The following AFTPH variants were observed in gnomAD, a reference collection of about 807,000 sequenced individuals.
AFTPH encodes aftiphilin.
AFTPH carries 7 observed loss-of-function variants against 72.5 expected under a neutral mutation model. The observed-to-expected ratio is 0.10, with a 90% CI of 0.05 to 0.18. The LOEUF (loss-of-function observed/expected upper bound fraction) is 0.18. Ranked by LOEUF, AFTPH falls within the 10% of genes least tolerant of loss-of-function variation. The pLI is 1.00. For missense variants in AFTPH, 979 were observed against 1,060.5 expected (o/e 0.92, Z 1.07); for synonymous variants, 337 against 370.1 (o/e 0.91, Z 1.03).
chr2:64,542,249 C>G (rs925184601), intron 1 of AFTPH, among the ~76,000 whole-genome samples: 1 of 152,150 alleles, frequency 6.6e-6, no homozygotes. Context: ...ACTCCACCCC[C>G]CTCAAATGTG....
chr2:64,581,176 C>T lies in AFTPH; in HGVS notation c.2455+1630C>T, dbSNP rs1329607624. ...CTGTGTGGCTGCCTACCAACACGGT[C>T]ACTGAATTTCAAGCTAGTGGAGGTT... On this transcript the variant is annotated intron_variant, in intron 7 of 8. Coordinates refer to ENST00000238856, the Ensembl canonical transcript of AFTPH. 2 of 1,579,744 alleles carry T rather than the reference C, an allele frequency of 1.3e-6. No individual in the cohort carries two copies. The highest frequency in any genetic ancestry group is 1.2e-5 in the South Asian group (1 of 85,906).
chr2:64,568,117 CTTTTTAT>C (rs1471258471), intron 3 of AFTPH, among the ~76,000 whole-genome samples: 1 of 151,370 alleles, frequency 6.6e-6, no homozygotes, highest in Non-Finnish European at 1.5e-5. Context: ...TGAGCTATTT[CTTTTTAT>C]ATTTCTAAAT....
chr2:64,549,645 A>T (rs1386532785), intron 1 of AFTPH, among the ~76,000 whole-genome samples: 1 of 151,620 alleles, frequency 6.6e-6, no homozygotes, highest in Non-Finnish European at 1.5e-5. Context: ...GGAACTTTTG[A>T]CTCCTCAGCA....
At chr2:64,558,520 C>G (rs1384601639) in intron 2 of AFTPH, among the ~76,000 whole-genome samples, 1 of 152,162 alleles carries the variant, frequency 6.6e-6, no homozygotes, top group African/African-American at 2.4e-5. Context: ...AACATAATTA[C>G]TTACCCAGTT....
exon 2 of AFTPH, chr2:64,552,438 C>G: frequency 6.2e-7 from 1 of 1,614,078 alleles, no homozygotes; most frequent in South Asian, 1.1e-5. Context: ...AACACTGCAA[C>G]AGGATGAATT....
At chr2:64,553,862 C>G (rs967289195) in intron 2 of AFTPH, among the ~76,000 whole-genome samples, 26 of 151,218 alleles carry the variant, frequency 1.7e-4, no homozygotes, top group Admixed American at 4.0e-4. Flanking sequence ...CCATCAAAGA[C>G]CTAGGAAATT....
Position 64,581,086 on chromosome 2 carries a change from C to T in AFTPH, c.2455+1540C>T, listed in dbSNP as rs2104194167. 1.1e-5 allele frequency: 7 copies of T among 658,804 alleles called. No individual in the cohort carries two copies. The South Asian group carries it at 1.2e-4, about 11-fold the overall frequency. The allele number at this position is 658,804 out of a possible 1,614,324, so 40.8% of individuals were successfully genotyped here. Reference sequence around the variant, plus strand: ...AATGTGTAATGATTACTAATTATAACCTGCATGTTCAAGTGTGTGTCTTAC... The same window carrying T: ...AATGTGTAATGATTACTAATTATAATCTGCATGTTCAAGTGTGTGTCTTAC... On this transcript the variant is annotated intron_variant, in intron 7 of 8. Coordinates refer to ENST00000238856, the Ensembl canonical transcript of AFTPH.
chr2:64,532,065 CT>C (rs1182182791), intron 1 of AFTPH, among the ~76,000 whole-genome samples: 5 of 152,110 alleles, frequency 3.3e-5, no homozygotes, highest in African/African-American at 1.2e-4. Context: ...TACTATGGTT[CT>C]TATGCTCTGA....
At chr2:64,591,841 C>G in intron 8 of AFTPH, 47 bp from the exon 10 acceptor site, 1 of 1,601,762 alleles carries the variant, frequency 6.2e-7, no homozygotes. Flanking sequence ...ATTTTACCTA[C>G]AGCAAAGTCA....
intron 1 of AFTPH, among the ~76,000 whole-genome samples, chr2:64,548,047 C>T (rs1307860297): frequency 6.0e-5 from 9 of 151,116 alleles, no homozygotes; most frequent in African/African-American, 2.2e-4. Context: ...CTCCTCAGCC[C>T]CCCAAAGTGC....
At chr2:64,566,110 C>G (rs1182699181) in intron 2 of AFTPH, among the ~76,000 whole-genome samples, 1 of 152,170 alleles carries the variant, frequency 6.6e-6, no homozygotes, top group Non-Finnish European at 1.5e-5. Flanking sequence ...AATCATGTAT[C>G]CAATTAGGTG....
chr2:64,531,592 A>G (rs971001264), intron 1 of AFTPH, among the ~76,000 whole-genome samples: 9 of 152,218 alleles, frequency 5.9e-5, no homozygotes, highest in East Asian at 1.9e-4. Flanking sequence ...ATACAGTACT[A>G]TCTTCTAGAA....
At chr2:64,536,951 C>CAAAA (rs70937353) in intron 1 of AFTPH, among the ~76,000 whole-genome samples, 14 of 81,740 alleles carry the variant, frequency 1.7e-4, no homozygotes, top group South Asian at 7.6e-4. Flanking sequence ...GACTCTGTCT[C>CAAAA]AAAAAAAAAA....
intron 1 of AFTPH, among the ~76,000 whole-genome samples, chr2:64,549,211 TC>T (rs1053990375): frequency 5.3e-5 from 8 of 152,122 alleles, no homozygotes; most frequent in Admixed American, 1.3e-4. Context: ...GTAAACATTT[TC>T]CTCATGTATC....
At chr2:64,565,336 G>T (rs576241808) in intron 2 of AFTPH, among the ~76,000 whole-genome samples, 319 of 151,800 alleles carry the variant, frequency 2.1e-3, no homozygotes, top group Non-Finnish European at 3.3e-3. Context: ...TTAGCTGGGC[G>T]CGGTGGTGGG....
At position 64,561,581 on chromosome 2, in the gene AFTPH, T is replaced by C. The variant is rs538148845; in HGVS notation, c.1936-5981T>C. Among the ~76,000 whole-genome samples, 58 of 152,208 alleles carry C rather than the reference T, an allele frequency of 3.8e-4. 1 individual carries two copies. In the South Asian group the frequency reaches 0.01, roughly 27 times the overall value. ...CCTGTGGTCCTAGCTACCCAGGAGGTTGTGACAGGATCACTCGAGCCCAGA... is the reference window on the plus strand; with the variant it reads ...CCTGTGGTCCTAGCTACCCAGGAGGCTGTGACAGGATCACTCGAGCCCAGA... On this transcript the variant is annotated intron_variant, in intron 2 of 8. Transcript: ENST00000238856.
At chr2:64,525,564 G>T (rs957133894) in intron 1 of AFTPH, 4 of 154,160 alleles carry the variant, frequency 2.6e-5, no homozygotes, top group African/African-American at 9.6e-5. Flanking sequence ...TTCCTACAGT[G>T]TAAGTCTTCC....
Position 64,581,129 on chromosome 2 carries a change from CCCT to C in AFTPH, c.2455+1589_2455+1591del, listed in dbSNP as rs1040341225. The C allele has an allele frequency of 2.5e-6, 3 of 1,218,902 alleles. No individual in the cohort carries two copies. The African/African-American group carries it at 4.6e-5, about 19-fold the overall frequency. The allele number at this position is 1,218,902 out of a possible 1,614,324, so 75.5% of individuals were successfully genotyped here. On this transcript the variant is annotated intron_variant, in intron 7 of 8. Transcript: ENST00000238856. ...TGTCTTACCCCTTTTTACACATAAC[CCCT>C]CCTCCCTTGGCTTACCTTCTGTGTG... is the stretch of plus-strand genomic sequence containing the variant.
At chr2:64,547,606 C>G (rs1380945538) in intron 1 of AFTPH, among the ~76,000 whole-genome samples, 1 of 152,072 alleles carries the variant, frequency 6.6e-6, no homozygotes, top group East Asian at 1.9e-4. Context: ...AGTTTATTTA[C>G]TTACATGTTT....
Sources: allele counts gnomAD v4.1 joint callset (sites outside exome capture counted in the v4.1 genomes callset), GRCh38; gene constraint gnomAD v4.1.1; transcripts MANE v1.5; gene names NCBI Gene and HGNC (gene_info 2026-07-23, HGNC 2026-07-21).